CTNNA3: variants seen among roughly 807,000 people sequenced by gnomAD.
CTNNA3 encodes the protein catenin alpha 3.
Under a neutral mutation model 95.7 loss-of-function variants are expected in CTNNA3, and 76 were observed. That is an observed-to-expected ratio of 0.79 (90% confidence interval 0.66 to 0.96). The LOEUF (loss-of-function observed/expected upper bound fraction) is 0.96, where lower values mean the gene tolerates loss of function less well. Ranked by LOEUF, CTNNA3 falls within the 40% of genes least tolerant of loss-of-function variation. The probability of loss-of-function intolerance (pLI) is 0.00; values close to 1 mark genes in which losing one functional copy is unlikely to be tolerated. For synonymous variants in CTNNA3, 431 were observed against 374.4 expected (o/e 1.15, Z -1.74); for missense variants, 1,191 against 1,089.8 (o/e 1.09, Z -1.31).
At chr10:66,641,661 T>C (rs1001801130) in intron 9 of CTNNA3, among the ~76,000 whole-genome samples, 1 of 152,130 alleles carries the variant, frequency 6.6e-6, no homozygotes, top group African/African-American at 2.4e-5. Flanking sequence ...TTCATTGTGA[T>C]AAAAAACTTT....
intron 11 of CTNNA3, among the ~76,000 whole-genome samples, chr10:66,453,368 G>A (rs2093477065): frequency 6.6e-6 from 1 of 152,190 alleles, no homozygotes; most frequent in Admixed American, 6.5e-5. Flanking sequence ...CTGGGCAGCA[G>A]ACAAGATAAA....
At chr10:65,965,202 T>G (rs2077931379) in intron 17 of CTNNA3, among the ~76,000 whole-genome samples, 1 of 152,102 alleles carries the variant, frequency 6.6e-6, no homozygotes, top group Non-Finnish European at 1.5e-5. Context: ...AATTCAGTGT[T>G]GTCTCTCTGA....
At chr10:67,144,705 T>C (rs1305758049) in intron 7 of CTNNA3, among the ~76,000 whole-genome samples, 1 of 152,232 alleles carries the variant, frequency 6.6e-6, no homozygotes, top group Non-Finnish European at 1.5e-5. Flanking sequence ...GTTCTTTCTC[T>C]GGATTAGGCT....
intron 16 of CTNNA3, among the ~76,000 whole-genome samples, chr10:65,972,109 TC>T (rs1410931993): frequency 6.6e-6 from 1 of 151,970 alleles, no homozygotes; most frequent in Non-Finnish European, 1.5e-5. Context: ...AAATACAACA[TC>T]CCTTCATGAT....
chr10:66,823,904 G>A (rs890053605), intron 7 of CTNNA3, among the ~76,000 whole-genome samples: 4 of 152,024 alleles, frequency 2.6e-5, no homozygotes, highest in Non-Finnish European at 4.4e-5. Flanking sequence ...ATATTGGAGA[G>A]TTACCATATT....
chr10:66,532,881 T>C (rs548025315), intron 10 of CTNNA3, among the ~76,000 whole-genome samples: 2 of 152,286 alleles, frequency 1.3e-5, no homozygotes, highest in Non-Finnish European at 2.9e-5. Flanking sequence ...TGCTCTTGCA[T>C]GGTCTCCTTC....
intron 7 of CTNNA3, among the ~76,000 whole-genome samples, chr10:66,910,383 T>C (rs549598735): frequency 1.4e-3 from 216 of 152,312 alleles, no homozygotes; most frequent in African/African-American, 5.1e-3. Flanking sequence ...TGCCAAGTCT[T>C]ATACAATATG....
intron 14 of CTNNA3, among the ~76,000 whole-genome samples, chr10:66,102,870 A>T (rs1446256566): frequency 6.6e-6 from 1 of 152,184 alleles, no homozygotes; most frequent in Non-Finnish European, 1.5e-5. Context: ...CTAAGCAAAC[A>T]TGTACATATT....
chr10:66,257,461 A>C (rs2090833578), intron 13 of CTNNA3, among the ~76,000 whole-genome samples: 1 of 152,178 alleles, frequency 6.6e-6, no homozygotes, highest in Non-Finnish European at 1.5e-5. Context: ...ACTTAACACA[A>C]AATTACATGC....
At chr10:66,979,436 A>G (rs528355022) in intron 7 of CTNNA3, among the ~76,000 whole-genome samples, 1 of 152,336 alleles carries the variant, frequency 6.6e-6, no homozygotes, top group South Asian at 2.1e-4. Context: ...AAAAGAAAGA[A>G]TGAAAAATTT....
intron 13 of CTNNA3, among the ~76,000 whole-genome samples, chr10:66,167,956 T>C (rs1220351523): frequency 6.6e-6 from 1 of 152,138 alleles, no homozygotes; most frequent in Non-Finnish European, 1.5e-5. Context: ...AATGTAGACA[T>C]AGCCTCAGCA....
chr10:67,489,449 T>C (rs1245314899), intron 5 of CTNNA3, among the ~76,000 whole-genome samples: 1 of 152,210 alleles, frequency 6.6e-6, no homozygotes, highest in Non-Finnish European at 1.5e-5. Flanking sequence ...TCATTTTTCA[T>C]TTGAGCATGT....
Position 67,161,337 on chromosome 10 carries a change from A to G in CTNNA3, c.1047+18980T>C, listed in dbSNP as rs148942268. 5.1e-3 allele frequency among the ~76,000 whole-genome samples: 775 copies of G among 151,976 alleles called. 6 individuals carry two copies. Among genetic ancestry groups the G allele is most frequent in the African/African-American group, 0.017 (725 of 41,532 alleles). On this transcript the variant is annotated intron_variant, in intron 7 of 17. Coordinates refer to ENST00000433211, the MANE Select transcript of CTNNA3 (RefSeq NM_013266.4). ...TGTTTGATAGTTGAAGCAAAAATTA[A>G]AACAGTCTTACGTGTTTCTCAATAT...
intron 5 of CTNNA3, among the ~76,000 whole-genome samples, chr10:67,441,550 C>T (rs1008879483): frequency 2.0e-4 from 31 of 151,920 alleles, no homozygotes; most frequent in Non-Finnish European, 3.8e-4. Flanking sequence ...AGAAAGGATC[C>T]TAAAAGCACC....
intron 13 of CTNNA3, among the ~76,000 whole-genome samples, chr10:66,109,876 A>AC (rs1191406741): frequency 6.6e-6 from 1 of 151,846 alleles, no homozygotes; most frequent in Non-Finnish European, 1.5e-5. Context: ...CAAAAAAAAA[A>AC]AACTACAAAC....
chr10:66,959,041 C>T (rs1925566), intron 7 of CTNNA3, among the ~76,000 whole-genome samples: 146,877 of 152,132 alleles, frequency 0.97, 71,119 homozygotes, highest in East Asian at 1. Flanking sequence ...TACACATCCC[C>T]ATTGCACAGG....
Position 67,552,564 on chromosome 10 carries a change from C to T in CTNNA3, c.293-12895G>A, listed in dbSNP as rs1349661971. ...AGGACTGGGGAGTGGCAGGCCAGGA[C>T]AGTCAGGTAAATGTGTACCATGGTG... On this transcript the variant is annotated intron_variant, in intron 3 of 17. Coordinates refer to ENST00000433211, the MANE Select transcript of CTNNA3 (RefSeq NM_013266.4). Among the ~76,000 whole-genome samples the T allele has an allele frequency of 5.3e-5, 8 of 151,984 alleles. No individual in the cohort carries two copies. In the South Asian group the frequency reaches 1.5e-3, roughly 28 times the overall value.
intron 1 of CTNNA3, among the ~76,000 whole-genome samples, chr10:67,702,185 T>A (rs1841045170): frequency 6.6e-6 from 1 of 152,164 alleles, no homozygotes; most frequent in Non-Finnish European, 1.5e-5. Flanking sequence ...TGGGAGACTT[T>A]AACACCCCAC....
intron 9 of CTNNA3, among the ~76,000 whole-genome samples, chr10:66,647,216 G>T (rs974081448): frequency 6.6e-6 from 1 of 152,126 alleles, no homozygotes. Context: ...TACAAGCCAG[G>T]AGAGTCAAAG....
Sources: gnomAD v4.1 joint callset for allele counts (sites outside exome capture counted in the v4.1 genomes callset) on GRCh38, gnomAD v4.1.1 for gene constraint, MANE v1.5 for transcripts, NCBI Gene and HGNC (gene_info 2026-07-23, HGNC 2026-07-21) for gene names.